Variants in NFIB observed in about 807,000 individuals in gnomAD.
The protein encoded by NFIB is nuclear factor I B, also known as nuclear factor 1 B-type.
NFIB carries 11 observed loss-of-function variants against 61.5 expected under a neutral mutation model. The observed-to-expected ratio is 0.18, with a 90% confidence interval of 0.11 to 0.30. The LOEUF is 0.30. Ranked by LOEUF, NFIB falls within the 10% of genes least tolerant of loss-of-function variation. NFIB has a pLI of 1.00. For synonymous variants in NFIB, 260 were observed against 216.5 expected (o/e 1.20, Z -1.76); for missense variants, 471 against 608.9 (o/e 0.77, Z 2.38).
chr9:14,455,718 T>TG, the NFIB span, among the ~76,000 whole-genome samples: 1 of 152,146 alleles, frequency 6.6e-6, no homozygotes, highest in Non-Finnish European at 1.5e-5. Flanking sequence ...TCAGGGAAGC[T>TG]ATACATTCAA....
At chr9:14,295,618 C>A (rs571350809) in intron 2 of NFIB, among the ~76,000 whole-genome samples, 5 of 146,314 alleles carry the variant, frequency 3.4e-5, no homozygotes, top group South Asian at 2.3e-4. Flanking sequence ...GCTACCCAGC[C>A]AGACTCCTTC....
At chr9:14,163,473 A>C (rs2044420965) in intron 3 of NFIB, among the ~76,000 whole-genome samples, 1 of 151,938 alleles carries the variant, frequency 6.6e-6, no homozygotes, top group South Asian at 2.1e-4. Context: ...AATCAGGCAA[A>C]TTCAAACAAA....
At chr9:14,386,312 C>T (rs571181027) in intron 1 of NFIB, among the ~76,000 whole-genome samples, 1 of 152,300 alleles carries the variant, frequency 6.6e-6, no homozygotes, top group South Asian at 2.1e-4. Flanking sequence ...AACTTAGGAG[C>T]ATATGCTTGG....
the NFIB span, among the ~76,000 whole-genome samples, chr9:14,454,803 A>C: frequency 3.3e-5 from 5 of 152,170 alleles, no homozygotes; most frequent in African/African-American, 1.2e-4. Context: ...TTTGACCAAT[A>C]AAATATAAGT....
chr9:14,123,871 C>T (rs756767308), intron 7 of NFIB, among the ~76,000 whole-genome samples: 3 of 151,782 alleles, frequency 2.0e-5, no homozygotes, highest in Non-Finnish European at 2.9e-5. Context: ...CCTAGTATGT[C>T]CCTCTGCCTC....
intron 3 of NFIB, among the ~76,000 whole-genome samples, chr9:14,159,356 C>G (rs930060270): frequency 6.6e-6 from 1 of 152,204 alleles, no homozygotes; most frequent in Non-Finnish European, 1.5e-5. Flanking sequence ...ATCAGAACTT[C>G]TTTGGAACCT....
the NFIB span, among the ~76,000 whole-genome samples, chr9:14,451,788 C>G: frequency 2.0e-4 from 30 of 152,224 alleles, no homozygotes; most frequent in Non-Finnish European, 4.0e-4. Flanking sequence ...GAGTTTCCCA[C>G]TGTGGTCTCA....
At chr9:14,167,508 G>A (rs1008394835) in intron 3 of NFIB, among the ~76,000 whole-genome samples, 3 of 152,092 alleles carry the variant, frequency 2.0e-5, no homozygotes, top group African/African-American at 7.2e-5. Flanking sequence ...ACTCCAGACC[G>A]GGCAACAGAG....
chr9:14,161,554 T>C (rs1268369936), intron 3 of NFIB, among the ~76,000 whole-genome samples: 2 of 151,860 alleles, frequency 1.3e-5, no homozygotes, highest in Non-Finnish European at 2.9e-5. Context: ...AATATAGTTG[T>C]ATCCAGCTTT....
chr9:14,337,969 T>C (rs1398412651), intron 1 of NFIB, among the ~76,000 whole-genome samples: 1 of 152,226 alleles, frequency 6.6e-6, no homozygotes, highest in Non-Finnish European at 1.5e-5. Context: ...GGGCAGTAAA[T>C]GCATGTACTG....
the NFIB span, among the ~76,000 whole-genome samples, chr9:14,483,937 G>C: frequency 6.6e-6 from 1 of 152,296 alleles, no homozygotes; most frequent in South Asian, 2.1e-4. Flanking sequence ...AGCTACAACT[G>C]ATGAACTTAA....
chr9:14,514,847 A>G, the NFIB span, among the ~76,000 whole-genome samples: 8 of 152,286 alleles, frequency 5.3e-5, no homozygotes, highest in East Asian at 1.5e-3. Context: ...ATGAACCAGA[A>G]TCACAGTGGA....
chr9:14,099,928 C>A (rs1207281159), intron 10 of NFIB, among the ~76,000 whole-genome samples: 1 of 152,042 alleles, frequency 6.6e-6, no homozygotes, highest in African/African-American at 2.4e-5. Flanking sequence ...AAAAGTTAGC[C>A]GGGCGTGGCA....
intron 2 of NFIB, among the ~76,000 whole-genome samples, chr9:14,245,797 C>T (rs367590760): frequency 2.0e-5 from 3 of 151,942 alleles, no homozygotes; most frequent in Non-Finnish European, 2.9e-5. Context: ...CGCTTGAACC[C>T]GGGAGGCAGA....
chr9:14,506,270 G>T, the NFIB span, among the ~76,000 whole-genome samples: 2 of 152,026 alleles, frequency 1.3e-5, no homozygotes, highest in Admixed American at 1.3e-4. Context: ...GCCCACAGAG[G>T]GTTTTTTAGT....
chr9:14,242,286 C>T (rs181891825), intron 2 of NFIB, among the ~76,000 whole-genome samples: 70 of 152,248 alleles, frequency 4.6e-4, no homozygotes, highest in African/African-American at 1.4e-3. Flanking sequence ...TTACAAATAT[C>T]CACTCTCTAG....
chr9:14,192,356 A>G (rs965122504), intron 2 of NFIB, among the ~76,000 whole-genome samples: 1 of 152,170 alleles, frequency 6.6e-6, no homozygotes, highest in African/African-American at 2.4e-5. Flanking sequence ...GCTTTGGATG[A>G]TATTATGCAA....
Position 14,155,487 on chromosome 9 carries a change from T to TTA in NFIB, c.685+336_685+337dup. 2.0e-5 allele frequency among the ~76,000 whole-genome samples: 3 copies of TTA among 152,240 alleles called. No individual in the cohort carries two copies. The Middle Eastern group carries it at 0.01, about 518-fold the overall frequency. On this transcript the variant is annotated intron_variant, in intron 4 of 10. Coordinates refer to ENST00000380953, the MANE Select transcript of NFIB (RefSeq NM_001190737.2). ...CTTATCTACAGGAAACTTATGTGGG[T>TTA]TATCATAACAACATAGAGTACATTT...
At chr9:14,398,499 T>C in intron 1 of NFIB, 2 of 1,502,514 alleles carry the variant, frequency 1.3e-6, no homozygotes, top group Non-Finnish European at 1.8e-6. Flanking sequence ...GAAAAACTGG[T>C]TAAATTTGTG....
Sources: gnomAD v4.1 joint callset for allele counts (sites outside exome capture counted in the v4.1 genomes callset) on GRCh38, gnomAD v4.1.1 for gene constraint, MANE v1.5 for transcripts, NCBI Gene and HGNC (gene_info 2026-07-23, HGNC 2026-07-21) for gene names.